The following KAT6B variants were observed in gnomAD, a reference collection of about 807,000 sequenced individuals.
The protein encoded by KAT6B is lysine acetyltransferase 6B, also known as histone acetyltransferase KAT6B.
Under a neutral mutation model 187.5 loss-of-function variants are expected in KAT6B, and 10 were observed. That is an observed-to-expected ratio of 0.05 (90% CI 0.03 to 0.09). KAT6B has a LOEUF of 0.09. KAT6B is among the 10% of genes least tolerant of loss of function. KAT6B has a pLI of 1.00. For synonymous variants in KAT6B, 861 were observed against 926.8 expected, an observed-to-expected ratio of 0.93 and a Z score of 1.29; for missense variants, 1,952 against 2,558.9, an observed-to-expected ratio of 0.76 and a Z score of 5.12.
chr10:74,955,020 C>T (rs1343945089), intron 3 of KAT6B, among the ~76,000 whole-genome samples: 1 of 152,050 alleles, frequency 6.6e-6, no homozygotes, highest in Non-Finnish European at 1.5e-5. Context: ...GGTACAGGAC[C>T]CCTCCCTCAC....
chr10:74,940,418 GGCACGT>G (rs1333894657), intron 3 of KAT6B, among the ~76,000 whole-genome samples: 1 of 151,532 alleles, frequency 6.6e-6, no homozygotes, highest in Non-Finnish European at 1.5e-5. Flanking sequence ...TGGGACTACA[GGCACGT>G]GCCACCATGC....
intron 3 of KAT6B, among the ~76,000 whole-genome samples, chr10:74,920,601 T>C (rs1848037491): frequency 6.6e-6 from 1 of 152,170 alleles, no homozygotes; most frequent in Non-Finnish European, 1.5e-5. Flanking sequence ...AATAATACGT[T>C]TTCAACCAGA....
At chr10:75,010,111 C>G (rs775266115) in intron 13 of KAT6B, among the ~76,000 whole-genome samples, 9 of 152,208 alleles carry the variant, frequency 5.9e-5, no homozygotes, top group Non-Finnish European at 1.3e-4. Context: ...TGCCTTTGTG[C>G]TGCACAGCTT....
intron 3 of KAT6B, among the ~76,000 whole-genome samples, chr10:74,862,054 T>C (rs546127913): frequency 6.6e-6 from 1 of 152,338 alleles, no homozygotes; most frequent in East Asian, 1.9e-4. Flanking sequence ...ATAGTGCTAA[T>C]TCCTTTGCTT....
At chr10:75,007,344 A>G (rs1257736848) in intron 13 of KAT6B, among the ~76,000 whole-genome samples, 1 of 152,238 alleles carries the variant, frequency 6.6e-6, no homozygotes, top group Non-Finnish European at 1.5e-5. Flanking sequence ...GTAGGAGATC[A>G]GCAAAATCCA....
At position 74,959,035 on chromosome 10, in the gene KAT6B, T is replaced by TATAAATAAATAAATAAATAA. The variant is rs10652616; in HGVS notation, c.622-918_622-899dup. On this transcript the variant is annotated intron_variant, in intron 3 of 17. Transcript: ENST00000287239. ...GCTGGCGACAGAGTGAGACTCTGTC[T>TATAAATAAATAAATAAATAA]ATAAATAAATAAATAAATAAATAAA... 5.7e-4 allele frequency among the ~76,000 whole-genome samples: 82 copies of TATAAATAAATAAATAAATAA among 144,504 alleles called. 2 individuals carry two copies. The highest frequency in any genetic ancestry group is 2.1e-3 in the African/African-American group (78 of 37,764). 94.8% of individuals were successfully genotyped at this position (144,504 alleles called of 152,430 possible).
At chr10:74,870,739 C>T (rs1843871703) in intron 3 of KAT6B, among the ~76,000 whole-genome samples, 1 of 151,950 alleles carries the variant, frequency 6.6e-6, no homozygotes, top group African/African-American at 2.4e-5. Context: ...CCACCACGCC[C>T]AGCTAATTTT....
Position 74,981,860 on chromosome 10 carries a change from A to G in KAT6B, c.2305A>G (p.Lys769Glu). 2 of 1,607,000 alleles carry G rather than the reference A, an allele frequency of 1.2e-6. No homozygotes were observed. Among genetic ancestry groups the G allele is most frequent in the Non-Finnish European group, 1.7e-6 (2 of 1,173,512 alleles). ...KSKNILLRHS[K>E]KCGWFHPPAN... ...TAAAAATATTTTGCTAAGACACTCC[A>G]AGAAGTGTGGATGGTTTCATCCTCC... is the stretch of plus-strand genomic sequence containing the variant. The change falls in exon 11 of 18, where the codon AAG (lysine) becomes GAG (glutamate). Residue 769 changes from lysine (K) to glutamate (E), a missense_variant. This residue lies in a region of KAT6B where 87 missense variants were observed against 191.8 expected (regional missense o/e 0.45). Coordinates refer to ENST00000287239, the MANE Select transcript of KAT6B (RefSeq NM_012330.4).
At chr10:74,852,039 G>A (rs1407542281) in intron 3 of KAT6B, among the ~76,000 whole-genome samples, 2 of 152,106 alleles carry the variant, frequency 1.3e-5, no homozygotes. Flanking sequence ...CTTTGATGTG[G>A]CAGGCTTCCA....
Position 74,975,872 on chromosome 10 carries a change from C to A in KAT6B, c.1535C>A (p.Thr512Lys). ...GQSPSSQKSS[T>K]ATSSPSPQSS... ...AGCCCCAGTTCACAAAAGTCCAGCACGGCCACTTCTTCTCCCTCTCCCCAG... is the reference window on the plus strand; with the variant it reads ...AGCCCCAGTTCACAAAAGTCCAGCAAGGCCACTTCTTCTCCCTCTCCCCAG... Residue 512 changes from threonine to lysine, a missense_variant, in exon 8 of 18, where the codon ACG becomes AAG. Physicochemically the swap from Thr to Lys is moderately conservative, Grantham distance 78. Around this residue, in one of 9 missense-constraint regions of KAT6B, gnomAD observed 417 missense variants for 508.9 expected, o/e 0.82. Coordinates refer to ENST00000287239, the MANE Select transcript of KAT6B (RefSeq NM_012330.4). The A allele has an allele frequency of 6.2e-7, 1 of 1,614,158 alleles. No homozygotes were observed. Among genetic ancestry groups the A allele is most frequent in the South Asian group, 1.1e-5 (1 of 91,078 alleles).
At chr10:74,957,194 C>T (rs1040298228) in intron 3 of KAT6B, among the ~76,000 whole-genome samples, 13 of 152,146 alleles carry the variant, frequency 8.5e-5, no homozygotes, top group African/African-American at 3.1e-4. Flanking sequence ...AGTTTCATTT[C>T]GTACAAGTGA....
chr10:74,998,889 C>T (rs1169374147), intron 13 of KAT6B, among the ~76,000 whole-genome samples: 1 of 152,132 alleles, frequency 6.6e-6, no homozygotes, highest in Non-Finnish European at 1.5e-5. Flanking sequence ...GATTGCACCA[C>T]TGCACTCCAA....
chr10:75,024,494 C>T (rs895156434), intron 16 of KAT6B, among the ~76,000 whole-genome samples: 2 of 152,168 alleles, frequency 1.3e-5, no homozygotes, highest in Non-Finnish European at 2.9e-5. Context: ...TATCATATTT[C>T]CCAGTGCTGT....
rs757944522 is a variant in KAT6B at position 75,030,129 on chromosome 10, T to A, written c.5305T>A (p.Cys1769Ser). The part of the protein sequence containing the change: ...PPSSSQQLAQ[C>S]SMAANFTPPM... Reference sequence around the variant, plus strand: ...GAGCAGCAGCCAGCAGCTGGCTCAGTGCAGCATGGCTGCTAACTTCACCCC... The same window carrying A: ...GAGCAGCAGCCAGCAGCTGGCTCAGAGCAGCATGGCTGCTAACTTCACCCC... Residue 1769 changes from cysteine to serine, a missense_variant, in exon 18 of 18, where the codon TGC (cysteine) becomes AGC (serine). Cys to Ser is a moderately radical substitution (Grantham distance 112, BLOSUM62 -1). Coordinates refer to ENST00000287239, the MANE Select transcript of KAT6B (RefSeq NM_012330.4). The surrounding 1 kb of genome is among the most constrained non-coding windows in gnomAD (Gnocchi z 4.8). The A allele has an allele frequency of 6.2e-7, 1 of 1,614,136 alleles. No homozygotes were observed.
At chr10:74,920,866 G>A (rs1254416297) in intron 3 of KAT6B, among the ~76,000 whole-genome samples, 1 of 152,080 alleles carries the variant, frequency 6.6e-6, no homozygotes, top group East Asian at 1.9e-4. Context: ...AGGTGGGATG[G>A]CCCCAATTAG....
intron 3 of KAT6B, among the ~76,000 whole-genome samples, chr10:74,898,285 A>G (rs1846123879): frequency 6.6e-6 from 1 of 152,146 alleles, no homozygotes; most frequent in African/African-American, 2.4e-5. Context: ...TGCTGCTTCT[A>G]CCTGTGCTAT....
chr10:74,904,815 C>G (rs544333389), intron 3 of KAT6B, among the ~76,000 whole-genome samples: 6 of 152,200 alleles, frequency 3.9e-5, no homozygotes, highest in African/African-American at 1.2e-4. Flanking sequence ...GATCCTCCCC[C>G]CTTTAGTAAC....
chr10:74,921,908 T>A (rs1848165274), intron 3 of KAT6B, among the ~76,000 whole-genome samples: 1 of 152,196 alleles, frequency 6.6e-6, no homozygotes, highest in African/African-American at 2.4e-5. Context: ...TAAGCTTTGC[T>A]CTGGCCCATG....
chr10:75,024,928 C>G (rs1403945176), intron 16 of KAT6B, 30 bp from the exon 17 acceptor site: 1 of 1,607,606 alleles, frequency 6.2e-7, no homozygotes, highest in Admixed American at 1.7e-5. Context: ...CTCATGAGCT[C>G]TTATGTGTTA....
Sources: allele counts gnomAD v4.1 joint callset (sites outside exome capture counted in the v4.1 genomes callset), GRCh38; gene constraint gnomAD v4.1.1; regional missense constraint gnomAD v4.1.1; non-coding constraint Gnocchi (gnomAD v3.1); transcripts MANE v1.5; gene names NCBI Gene and HGNC (gene_info 2026-07-23, HGNC 2026-07-21).